LRP6: variants seen among roughly 807,000 people sequenced by gnomAD.
The protein encoded by LRP6 is LDL receptor related protein 6, also known as low-density lipoprotein receptor-related protein 6.
Under a neutral mutation model 184.1 loss-of-function variants are expected in LRP6, and 43 were observed. The ratio of observed to expected loss-of-function variants is 0.23; its 90% confidence interval spans 0.18 to 0.30. The LOEUF is 0.30. LRP6 is among the 10% of genes least tolerant of loss of function. LRP6 has a pLI of 1.00. For synonymous variants in LRP6, 719 were observed against 684.9 expected (o/e 1.05, Z -0.78); for missense variants, 1,571 against 2,005.3 (o/e 0.78, Z 4.14).
chr12:12,224,139 T>C (rs992464733), intron 2 of LRP6, among the ~76,000 whole-genome samples: 22 of 152,194 alleles, frequency 1.4e-4, no homozygotes, highest in African/African-American at 5.3e-4. Flanking sequence ...GATTCTTCTG[T>C]CTCAATCTGC....
chr12:12,148,356 C>T (rs1395353835), intron 14 of LRP6, among the ~76,000 whole-genome samples: 3 of 152,034 alleles, frequency 2.0e-5, no homozygotes, highest in Non-Finnish European at 2.9e-5. Context: ...TTATATTTAA[C>T]GTCTAGATTT....
Position 12,118,861 on chromosome 12 carries a change from C to T in LRP6, c.*2265G>A, listed in dbSNP as rs1478452985. 2.0e-5 allele frequency: 3 copies of T among 152,224 alleles called. No homozygotes were observed. The highest frequency in any genetic ancestry group is 1.3e-4 in the Admixed American group (2 of 15,278). 9.4% of individuals were successfully genotyped at this position (152,224 alleles called of 1,614,324 possible). A position where few individuals can be genotyped will look rare whatever the true frequency, so the allele number is the denominator to read the frequency against. On this transcript the variant is annotated 3_prime_UTR_variant, in exon 23 of 23. Transcript: ENST00000261349. ...TGCAAGCACGTGGACTGAGATCCAA[C>T]AAGGCAATATTCTTCTTAGTTAATT...
In LRP6 at chr12:12,234,615, G is replaced by A. The variant is rs376492447; in HGVS notation, c.449+9647C>T. 5.2e-4 allele frequency among the ~76,000 whole-genome samples: 79 copies of A among 151,984 alleles called. No homozygotes were observed. The East Asian group carries it at 0.014, about 28-fold the overall frequency. ...TGAGAGGCTGAGGTGGGTGAATCAC[G>A]AGGTCAGGAGTTTGAGACCAGCCTG... On this transcript the variant is annotated intron_variant, in intron 2 of 22. Transcript: ENST00000261349.
At position 12,179,857 on chromosome 12, in the gene LRP6, C is replaced by G. The variant is rs1173073114; in HGVS notation, c.1498G>C (p.Asp500His). 6.2e-7 allele frequency: 1 copy of G among 1,613,876 alleles called. No homozygotes were observed. The highest frequency in any genetic ancestry group is 8.5e-7 in the Non-Finnish European group (1 of 1,179,836). Reference sequence around the variant, plus strand: ...TCTCCCCAGTATATTTTGCCTTCATCATAATCCAAGGCTAAACCATTTGGC... The same window carrying G: ...TCTCCCCAGTATATTTTGCCTTCATGATAATCCAAGGCTAAACCATTTGGC... The part of the protein sequence containing the change: ...GWPNGLALDY[D>H]EGKIYWGDAK... The change falls in exon 7 of 23, where the codon GAT (aspartate) becomes CAT (histidine). Residue 500 changes from aspartate to histidine, a missense_variant. Physicochemically the swap from Asp to His is moderately conservative, Grantham distance 81. This residue lies in a region of LRP6 where 640 missense variants were observed against 851.9 expected (regional missense o/e 0.75). Transcript: ENST00000261349.
intron 1 of LRP6, among the ~76,000 whole-genome samples, chr12:12,263,052 G>A (rs370510938): frequency 1.4e-4 from 20 of 147,664 alleles, no homozygotes; most frequent in African/African-American, 3.8e-4. Context: ...TCGGGAGTTC[G>A]AGACCAGCCT....
intron 3 of LRP6, among the ~76,000 whole-genome samples, chr12:12,193,536 A>T (rs1287754682): frequency 2.6e-5 from 4 of 152,018 alleles, no homozygotes; most frequent in Non-Finnish European, 5.9e-5. Context: ...ACTGTGAATA[A>T]AGTGATGAAT....
chr12:12,266,187 G>A (rs1865753624), intron 1 of LRP6, among the ~76,000 whole-genome samples: 1 of 152,144 alleles, frequency 6.6e-6, no homozygotes, highest in Admixed American at 6.5e-5. Flanking sequence ...ATCATTACCT[G>A]TAACAAGGCC....
chr12:12,162,454 A>AT (rs548147399), intron 9 of LRP6, 35 bp from the exon 10 acceptor site: 690 of 1,542,404 alleles, frequency 4.5e-4, no homozygotes, highest in Non-Finnish European at 4.5e-4. Flanking sequence ...GTCATATGGC[A>AT]TAAGTCTAAA....
intron 2 of LRP6, among the ~76,000 whole-genome samples, chr12:12,225,113 G>C (rs1864584665): frequency 6.6e-6 from 1 of 152,144 alleles, no homozygotes; most frequent in Non-Finnish European, 1.5e-5. Context: ...GCTGAGGCAG[G>C]CGAATCGCTT....
chr12:12,205,213 A>C (rs2137047414), intron 2 of LRP6, among the ~76,000 whole-genome samples: 1 of 150,854 alleles, frequency 6.6e-6, no homozygotes, highest in African/African-American at 2.4e-5. Context: ...GCTACTCAGG[A>C]GGCTGAGGCA....
chr12:12,135,305 AAAGAG>A lies in LRP6; in HGVS notation c.3608-10_3608-6del. On this transcript the variant is annotated splice_polypyrimidine_tract_variant and splice_region_variant and intron_variant, in intron 16 of 22. Transcript: ENST00000261349. ...CCTGAGCACAAGGGTGCTGTCCTGC[AAAGAG>A]AAGAGGTGAGGATGGGGAGAGGAGG... 1.2e-6 allele frequency: 2 copies of A among 1,613,094 alleles called. No individual in the cohort carries two copies. The highest frequency in any genetic ancestry group is 1.7e-6 in the Non-Finnish European group (2 of 1,179,442).
At chr12:12,204,877 G>T (rs147695663) in intron 2 of LRP6, among the ~76,000 whole-genome samples, 2,665 of 151,452 alleles carry the variant, frequency 0.018, 79 homozygotes, top group African/African-American at 0.061. Flanking sequence ...TGAGGCAGGA[G>T]AATCGCTTGA....
chr12:12,246,833 G>A (rs370269436), intron 1 of LRP6, among the ~76,000 whole-genome samples: 1 of 152,092 alleles, frequency 6.6e-6, no homozygotes, highest in African/African-American at 2.4e-5. Context: ...TCAAAAAAGT[G>A]TAAGAAAAAA....
intron 3 of LRP6, among the ~76,000 whole-genome samples, chr12:12,198,340 T>C (rs189420647): frequency 1.3e-5 from 2 of 152,234 alleles, no homozygotes; most frequent in African/African-American, 4.8e-5. Context: ...ATCTTCAGTA[T>C]TTATCATTTT....
At chr12:12,263,283 T>C (rs1196026245) in intron 1 of LRP6, among the ~76,000 whole-genome samples, 2 of 60,574 alleles carry the variant, frequency 3.3e-5, no homozygotes, top group South Asian at 5.6e-4. Flanking sequence ...AAAAAAAGAA[T>C]GTGTGAATCT....
rs533998608 is a variant in LRP6, at chr12:12,158,772, C to T, written c.2791+57G>A. 381 of 1,554,576 alleles carry T rather than the reference C, an allele frequency of 2.5e-4. 1 individual carries two copies. In the East Asian group the frequency reaches 8.0e-3, roughly 33 times the overall value. On this transcript the variant is annotated intron_variant, in intron 12 of 22. Transcript: ENST00000261349. ...TTTAGAAAAAACACACACTAAAGTA[C>T]TTTGAAAATGCTGCTTTCTCTCATT...
intron 2 of LRP6, among the ~76,000 whole-genome samples, chr12:12,214,845 C>G (rs1002972469): frequency 6.6e-6 from 1 of 152,192 alleles, no homozygotes; most frequent in Non-Finnish European, 1.5e-5. Flanking sequence ...GTTCCTTCCT[C>G]AGGAAATGAC....
chr12:12,142,353 G>A (rs759076947), intron 15 of LRP6, among the ~76,000 whole-genome samples: 1 of 152,158 alleles, frequency 6.6e-6, no homozygotes, highest in African/African-American at 2.4e-5. Context: ...CCCAGATATG[G>A]TAAGGACCTG....
chr12:12,258,764 T>C (rs1404539233), intron 1 of LRP6, among the ~76,000 whole-genome samples: 6 of 152,240 alleles, frequency 3.9e-5, no homozygotes, highest in Non-Finnish European at 7.3e-5. Flanking sequence ...GATATATGGA[T>C]ATACAGTACT....
Sources: gnomAD v4.1 joint callset for allele counts (sites outside exome capture counted in the v4.1 genomes callset) on GRCh38, gnomAD v4.1.1 for gene constraint, gnomAD v4.1.1 regional missense constraint, MANE v1.5 for transcripts, NCBI Gene and HGNC (gene_info 2026-07-23, HGNC 2026-07-21) for gene names.